The following DLC1 variants were observed in gnomAD, a reference collection of about 807,000 sequenced individuals.
DLC1 encodes rho GTPase-activating protein 7.
DLC1 carries 54 observed loss-of-function variants against 140.3 expected under a neutral mutation model. The ratio of observed to expected loss-of-function variants is 0.38; its 90% CI spans 0.31 to 0.48. The LOEUF is 0.48. DLC1 is among the 20% of genes least tolerant of loss of function. The pLI is 0.96. For missense variants in DLC1, 2,536 were observed against 1,907.0 expected, an observed-to-expected ratio of 1.33 and a Z score of -6.14; for synonymous variants, 986 against 728.1, an observed-to-expected ratio of 1.35 and a Z score of -5.70.
intron 1 of DLC1, among the ~76,000 whole-genome samples, chr8:13,551,708 T>G (rs557971213): frequency 3.9e-5 from 6 of 151,942 alleles, no homozygotes; most frequent in African/African-American, 1.4e-4. Context: ...GGCAAACATA[T>G]GTATCTATCA....
intron 1 of DLC1, among the ~76,000 whole-genome samples, chr8:13,521,296 G>C (rs994479809): frequency 6.6e-6 from 1 of 152,020 alleles, no homozygotes; most frequent in African/African-American, 2.4e-5. Context: ...GCTAATGCAC[G>C]TGGGGCTTAA....
At chr8:13,142,109 C>T (rs1335493905) in intron 5 of DLC1, among the ~76,000 whole-genome samples, 2 of 152,166 alleles carry the variant, frequency 1.3e-5, no homozygotes, top group Non-Finnish European at 2.9e-5. Flanking sequence ...TCGCTCCTGC[C>T]GCCTTGTGAA....
At chr8:13,445,924 T>G (rs1035491682) in intron 2 of DLC1, among the ~76,000 whole-genome samples, 3 of 152,158 alleles carry the variant, frequency 2.0e-5, no homozygotes, top group Admixed American at 1.3e-4. Context: ...ATACTTCATC[T>G]TTAAGGAAAA....
chr8:13,379,086 G>C (rs1386356038), intron 4 of DLC1, among the ~76,000 whole-genome samples: 2 of 152,140 alleles, frequency 1.3e-5, no homozygotes, highest in East Asian at 3.8e-4. Context: ...CAGGTATTTG[G>C]TTAGAAAAAT....
At chr8:13,496,425 T>C (rs974508348) in intron 2 of DLC1, among the ~76,000 whole-genome samples, 1 of 152,182 alleles carries the variant, frequency 6.6e-6, no homozygotes. Flanking sequence ...ATAAAGATTA[T>C]ATGGGGTAAA....
chr8:13,298,853 CT>C (rs1173253833), intron 5 of DLC1, among the ~76,000 whole-genome samples: 5 of 152,040 alleles, frequency 3.3e-5, no homozygotes, highest in Non-Finnish European at 7.4e-5. Context: ...CTTGTACCCC[CT>C]GAATAAAAAA....
chr8:13,090,172 T>A, intron 15 of DLC1, 80 bp downstream of exon 15: 2 of 1,371,842 alleles, frequency 1.5e-6, no homozygotes, highest in Non-Finnish European at 2.0e-6. Flanking sequence ...GACAGATTAG[T>A]TGGCAAAAGC....
chr8:13,281,126 A>C (rs372670170), intron 5 of DLC1, among the ~76,000 whole-genome samples: 1 of 152,220 alleles, frequency 6.6e-6, no homozygotes, highest in Non-Finnish European at 1.5e-5. Flanking sequence ...TCTAGCGTGT[A>C]TGTTATATGC....
At chr8:13,551,218 T>C (rs982557894) in intron 1 of DLC1, among the ~76,000 whole-genome samples, 2 of 152,040 alleles carry the variant, frequency 1.3e-5, no homozygotes, top group East Asian at 1.9e-4. Flanking sequence ...GAAAAGTCAG[T>C]TGTAGTCGGC....
chr8:13,332,714 T>C (rs1399720680), intron 4 of DLC1, among the ~76,000 whole-genome samples: 2 of 152,190 alleles, frequency 1.3e-5, no homozygotes, highest in Non-Finnish European at 2.9e-5. Context: ...CCACCATGTC[T>C]GGCCCACTAT....
chr8:13,566,766 G>A, intron 1 of DLC1: 1 of 556,224 alleles, frequency 1.8e-6, no homozygotes, highest in Non-Finnish European at 3.0e-6. Context: ...CAAGCGCAGT[G>A]GGCGCTGGGG....
chr8:13,407,241 G>C (rs1837609449), intron 2 of DLC1, among the ~76,000 whole-genome samples: 1 of 152,204 alleles, frequency 6.6e-6, no homozygotes, highest in East Asian at 1.9e-4. Context: ...TTTGATTGCA[G>C]TGGTATCTGG....
chr8:13,138,753 C>T (rs1488984492), intron 5 of DLC1, among the ~76,000 whole-genome samples: 1 of 152,270 alleles, frequency 6.6e-6, no homozygotes, highest in African/African-American at 2.4e-5. Flanking sequence ...CCCCCTACCC[C>T]CACTCTCTAC....
chr8:13,124,045 CAAT>C (rs1174245365), intron 5 of DLC1, among the ~76,000 whole-genome samples: 6 of 152,132 alleles, frequency 3.9e-5, no homozygotes, highest in Non-Finnish European at 8.8e-5. Context: ...ATAAAACCTA[CAAT>C]AAGTGATACA....
intron 1 of DLC1, among the ~76,000 whole-genome samples, chr8:13,586,623 ACAC>A (rs1805327486): frequency 7.2e-6 from 1 of 138,036 alleles, no homozygotes; most frequent in African/African-American, 2.8e-5. Context: ...ACACACACAC[ACAC>A]CTGCATGTAA....
intron 1 of DLC1, among the ~76,000 whole-genome samples, chr8:13,501,245 T>C (rs372169720): frequency 6.6e-6 from 1 of 152,276 alleles, no homozygotes; most frequent in African/African-American, 2.4e-5. Context: ...AAGAAAATCA[T>C]GCATAAGACA....
intron 4 of DLC1, among the ~76,000 whole-genome samples, chr8:13,378,724 C>A (rs1024999860): frequency 3.3e-5 from 5 of 152,062 alleles, no homozygotes; most frequent in Non-Finnish European, 7.4e-5. Context: ...GAAAGATGAA[C>A]AGAACTTCCG....
chr8:13,400,036 A>G (rs1837225515), intron 3 of DLC1, among the ~76,000 whole-genome samples: 1 of 152,214 alleles, frequency 6.6e-6, no homozygotes, highest in Non-Finnish European at 1.5e-5. Context: ...CACAATTATC[A>G]GAAGGAGTGG....
intron 2 of DLC1, among the ~76,000 whole-genome samples, chr8:13,478,483 T>A (rs1056879775): frequency 8.5e-5 from 13 of 152,218 alleles, no homozygotes; most frequent in Admixed American, 7.9e-4. Flanking sequence ...TCTCTCCTGT[T>A]CAGGGATGAA....
Sources: allele counts gnomAD v4.1 joint callset (sites outside exome capture counted in the v4.1 genomes callset), GRCh38; gene constraint gnomAD v4.1.1; transcripts MANE v1.5; gene names NCBI Gene and HGNC (gene_info 2026-07-23, HGNC 2026-07-21).